ZDHHC21: variants seen among roughly 807,000 people sequenced by gnomAD.
The protein encoded by ZDHHC21 is zDHHC palmitoyltransferase 21.
A neutral mutation model predicts 34.6 loss-of-function variants in ZDHHC21; 15 were observed. That is an observed-to-expected ratio of 0.43 (90% CI 0.29 to 0.67). The LOEUF is 0.67. Ranked by LOEUF, ZDHHC21 falls within the 30% of genes least tolerant of loss-of-function variation. ZDHHC21 has a pLI of 0.14. For missense variants in ZDHHC21, 344 were observed against 327.7 expected (o/e 1.05, Z -0.38); for synonymous variants, 142 against 101.8 (o/e 1.40, Z -2.38).
intron 8 of ZDHHC21, among the ~76,000 whole-genome samples, chr9:14,637,560 G>C (rs981955175): frequency 1.3e-5 from 2 of 151,992 alleles, no homozygotes; most frequent in Non-Finnish European, 2.9e-5. Context: ...AAGCACAGAA[G>C]AAACATACTA....
At chr9:14,660,805 C>A (rs898675340) in intron 6 of ZDHHC21, among the ~76,000 whole-genome samples, 3 of 152,100 alleles carry the variant, frequency 2.0e-5, no homozygotes, top group Non-Finnish European at 4.4e-5. Context: ...TTTCTTACTA[C>A]TGCATTCGTT....
intron 5 of ZDHHC21, among the ~76,000 whole-genome samples, chr9:14,662,660 A>G (rs1833620668): frequency 6.6e-6 from 1 of 152,232 alleles, no homozygotes; most frequent in Non-Finnish European, 1.5e-5. Flanking sequence ...CAACCAAATT[A>G]TTATACTAAA....
At chr9:14,661,273 C>A (rs944603404) in intron 6 of ZDHHC21, among the ~76,000 whole-genome samples, 1 of 143,290 alleles carries the variant, frequency 7.0e-6, no homozygotes, top group African/African-American at 2.7e-5. Flanking sequence ...AATAACTGTG[C>A]TATCAAAATA....
intron 5 of ZDHHC21, among the ~76,000 whole-genome samples, chr9:14,663,183 T>C (rs966025153): frequency 6.6e-6 from 1 of 152,240 alleles, no homozygotes; most frequent in African/African-American, 2.4e-5. Context: ...AATTGCCTTA[T>C]TATACAAAAA....
chr9:14,686,093 T>C (rs1248267719), intron 2 of ZDHHC21, among the ~76,000 whole-genome samples: 1 of 151,944 alleles, frequency 6.6e-6, no homozygotes, highest in Non-Finnish European at 1.5e-5. Flanking sequence ...TTATGAGAAC[T>C]ACCTAATGTA....
chr9:14,655,264 A>T (rs1423089637), intron 7 of ZDHHC21, among the ~76,000 whole-genome samples: 2 of 151,852 alleles, frequency 1.3e-5, no homozygotes, highest in African/African-American at 2.4e-5. Context: ...CCAAACAATA[A>T]ATCCTTCAAA....
intron 6 of ZDHHC21, among the ~76,000 whole-genome samples, chr9:14,659,858 A>C (rs1296611492): frequency 1.3e-5 from 2 of 152,196 alleles, no homozygotes; most frequent in Non-Finnish European, 2.9e-5. Context: ...CAGGATTATA[A>C]GAGAAGTGTG....
At chr9:14,688,242 C>T (rs1838647015) in intron 2 of ZDHHC21, among the ~76,000 whole-genome samples, 1 of 150,910 alleles carries the variant, frequency 6.6e-6, no homozygotes, top group Admixed American at 6.6e-5. Flanking sequence ...AAAATGTCAA[C>T]TTACACAGTT....
At chr9:14,599,339 A>G in the ZDHHC21 span, among the ~76,000 whole-genome samples, 2 of 152,148 alleles carry the variant, frequency 1.3e-5, no homozygotes, top group Admixed American at 1.3e-4. Flanking sequence ...TGGGAAGCAC[A>G]AGGGGTTGGA....
the ZDHHC21 span, among the ~76,000 whole-genome samples, chr9:14,596,608 A>G: frequency 6.6e-6 from 1 of 152,170 alleles, no homozygotes; most frequent in Non-Finnish European, 1.5e-5. Context: ...AACTAGCAAG[A>G]GCTTGACTAA....
intron 2 of ZDHHC21, among the ~76,000 whole-genome samples, chr9:14,686,836 G>T (rs1838392865): frequency 6.7e-6 from 1 of 150,358 alleles, no homozygotes; most frequent in Non-Finnish European, 1.5e-5. Context: ...AGCTGGGCGT[G>T]GTGGTGTGTG....
intron 8 of ZDHHC21, among the ~76,000 whole-genome samples, chr9:14,634,447 C>G (rs1827916765): frequency 6.6e-6 from 1 of 152,154 alleles, no homozygotes; most frequent in South Asian, 2.1e-4. Flanking sequence ...CCCTGGTGCC[C>G]ACGGACAGGC....
intron 5 of ZDHHC21, among the ~76,000 whole-genome samples, chr9:14,670,261 G>C (rs1262149610): frequency 6.6e-6 from 1 of 152,090 alleles, no homozygotes; most frequent in Non-Finnish European, 1.5e-5. Context: ...ATTCTCAGAA[G>C]AGAGCACTTG....
chr9:14,609,052 T>C (rs903100546), downstream of ZDHHC21, among the ~76,000 whole-genome samples: 1 of 151,424 alleles, frequency 6.6e-6, no homozygotes, highest in African/African-American at 2.4e-5. Flanking sequence ...GTCTCAAATG[T>C]ATGTTCCTCT....
At chr9:14,649,014 ATGTTTTGTTACAGGGGACACTCT>A (rs1040757356) in intron 7 of ZDHHC21, among the ~76,000 whole-genome samples, 2 of 151,902 alleles carry the variant, frequency 1.3e-5, no homozygotes, top group African/African-American at 4.8e-5. Flanking sequence ...CGGCTGGATA[ATGTTTTGTTACAGGGGACACTCT>A]TGTGCATTGC....
the ZDHHC21 span, among the ~76,000 whole-genome samples, chr9:14,590,371 C>G: frequency 1.3e-5 from 2 of 151,896 alleles, no homozygotes; most frequent in African/African-American, 4.8e-5. Context: ...GTTATAACAA[C>G]CAAAGTTTTC....
At chr9:14,658,680 C>T in intron 7 of ZDHHC21, 69 bp downstream of exon 7, 7 of 1,319,644 alleles carry the variant, frequency 5.3e-6, no homozygotes, top group African/African-American at 1.5e-5. Context: ...ACCGTGTTAG[C>T]CAGGATGGTC....
intron 5 of ZDHHC21, among the ~76,000 whole-genome samples, chr9:14,669,950 C>G (rs960851734): frequency 2.0e-5 from 3 of 148,934 alleles, no homozygotes; most frequent in Non-Finnish European, 4.5e-5. Flanking sequence ...CACATGTATA[C>G]ATATGTAACT....
At chr9:14,679,203 T>C (rs191684439) in intron 3 of ZDHHC21, among the ~76,000 whole-genome samples, 27 of 152,216 alleles carry the variant, frequency 1.8e-4, no homozygotes, top group Admixed American at 1.4e-3. Context: ...TACTGAATTA[T>C]GTAGAGAGGA....
Sources: gnomAD v4.1 joint callset for allele counts (sites outside exome capture counted in the v4.1 genomes callset) on GRCh38, gnomAD v4.1.1 for gene constraint, MANE v1.5 for transcripts, NCBI Gene and HGNC (gene_info 2026-07-23, HGNC 2026-07-21) for gene names.